Variants in CRIM1 observed in about 807,000 individuals in gnomAD.
CRIM1 encodes cysteine rich transmembrane BMP regulator 1.
CRIM1 carries 32 observed loss-of-function variants against 116.4 expected under a neutral mutation model. The ratio of observed to expected loss-of-function variants is 0.27; its 90% CI spans 0.21 to 0.37. CRIM1 has a LOEUF of 0.37. CRIM1 is among the 10% of genes least tolerant of loss of function. CRIM1 has a pLI of 1.00. For synonymous variants in CRIM1, 590 were observed against 509.2 expected (o/e 1.16, Z -2.13); for missense variants, 1,331 against 1,354.8 (o/e 0.98, Z 0.28).
At chr2:36,381,346 C>T (rs1193344419) in intron 1 of CRIM1, among the ~76,000 whole-genome samples, 3 of 151,968 alleles carry the variant, frequency 2.0e-5, no homozygotes, top group South Asian at 2.1e-4. Flanking sequence ...ACACTGGGGG[C>T]GGGGCTGGCA....
intron 16 of CRIM1, among the ~76,000 whole-genome samples, chr2:36,547,545 G>A (rs1432656327): frequency 6.6e-6 from 1 of 152,138 alleles, no homozygotes; most frequent in Non-Finnish European, 1.5e-5. Flanking sequence ...AGAATTGGGA[G>A]AGAAAAAAAG....
At chr2:36,448,709 A>G (rs1676447891) in intron 4 of CRIM1, among the ~76,000 whole-genome samples, 1 of 152,210 alleles carries the variant, frequency 6.6e-6, no homozygotes, top group African/African-American at 2.4e-5. Flanking sequence ...TTTTTGTTCT[A>G]AAAGTTCTGT....
chr2:36,434,406 G>C (rs1482057203), intron 2 of CRIM1, among the ~76,000 whole-genome samples: 3 of 152,218 alleles, frequency 2.0e-5, no homozygotes, highest in African/African-American at 7.2e-5. Flanking sequence ...CGCCGAGTAG[G>C]AAAGTTGAAG....
rs1050673547 is a variant in CRIM1, at chr2:36,512,276, G to C, written c.1662G>C (p.Lys554Asn). The part of the protein sequence containing the change: ...CDKYCPLGLL[K>N]NKHGCDICRC... ...TGACAAAATTTTAATTACCCAGGAA[G>C]AATAAGCACGGCTGTGACATCTGTC... Residue 554 changes from lysine (K) to asparagine (N), a missense_variant, in exon 10 of 17, where the codon AAG becomes AAC. Transcript: ENST00000280527. 1.2e-6 allele frequency: 2 copies of C among 1,612,194 alleles called. No individual in the cohort carries two copies. The highest frequency in any genetic ancestry group is 1.7e-6 in the Non-Finnish European group (2 of 1,178,472).
chr2:36,448,632 C>CTT (rs201240067), intron 4 of CRIM1, among the ~76,000 whole-genome samples: 1,995 of 66,818 alleles, frequency 0.03, 136 homozygotes, highest in Admixed American at 0.23. Flanking sequence ...TGATAAGTAA[C>CTT]TTTGTACCTT....
At chr2:36,455,755 G>A (rs1175187514) in intron 4 of CRIM1, among the ~76,000 whole-genome samples, 5 of 152,196 alleles carry the variant, frequency 3.3e-5, no homozygotes, top group Non-Finnish European at 7.3e-5. Flanking sequence ...GGGAGAGCCA[G>A]GTAAATGTTA....
intron 2 of CRIM1, among the ~76,000 whole-genome samples, chr2:36,423,146 G>A (rs1437145155): frequency 1.3e-5 from 2 of 152,224 alleles, no homozygotes; most frequent in East Asian, 3.9e-4. Context: ...ATGTACCATA[G>A]CCCTTTAAAA....
At chr2:36,439,042 G>A (rs1675563947) in intron 2 of CRIM1, among the ~76,000 whole-genome samples, 1 of 152,210 alleles carries the variant, frequency 6.6e-6, no homozygotes, top group Non-Finnish European at 1.5e-5. Flanking sequence ...GCTGCTTATT[G>A]GATATTGGCA....
chr2:36,356,541 C>A lies in CRIM1; in HGVS notation c.249C>A (p.Thr83=). Residue 83 remains threonine, a synonymous_variant, in exon 1 of 17, where the codon ACC becomes ACA. Coordinates refer to ENST00000280527, the MANE Select transcript of CRIM1 (RefSeq NM_016441.3). The surrounding 1 kb of genome is among the most constrained non-coding windows in gnomAD (Gnocchi z 4.3). ...SCGGTFGIYG[T]CDRGLRCVIR... ...GCGGCACCTTCGGGATTTACGGAAC[C>A]TGCGACCGGGGGCTGCGTTGTGTCA... 2.5e-6 allele frequency: 4 copies of A among 1,612,930 alleles called. No individual in the cohort carries two copies. The highest frequency in any genetic ancestry group is 2.5e-6 in the Non-Finnish European group (3 of 1,179,872).
intron 1 of CRIM1, among the ~76,000 whole-genome samples, chr2:36,363,165 A>C (rs893756362): frequency 6.7e-6 from 1 of 148,324 alleles, no homozygotes; most frequent in Non-Finnish European, 1.5e-5. Context: ...GCACCACTGC[A>C]CTCCAGCCTG....
intron 7 of CRIM1, among the ~76,000 whole-genome samples, chr2:36,492,657 A>G (rs910655163): frequency 1.3e-5 from 2 of 152,212 alleles, no homozygotes; most frequent in African/African-American, 4.8e-5. Flanking sequence ...ACAGCTTGAC[A>G]TATGAAAATA....
intron 2 of CRIM1, among the ~76,000 whole-genome samples, chr2:36,402,690 C>T (rs985750404): frequency 3.3e-5 from 5 of 150,518 alleles, no homozygotes; most frequent in South Asian, 2.1e-4. Flanking sequence ...AATGGGGACT[C>T]GTACCTGAGA....
At position 36,373,203 on chromosome 2, in the gene CRIM1, G is replaced by T. The variant is rs531276330; in HGVS notation, c.331+16580G>T. 1.2e-3 allele frequency among the ~76,000 whole-genome samples: 180 copies of T among 152,284 alleles called. 2 individuals are homozygous for T. The highest frequency in any genetic ancestry group is 4.2e-3 in the African/African-American group (175 of 41,558). ...GGGTGTGGGTAAAGGACCCAGAACT[G>T]TTCTTGCTGATGGAATAGCACACTT... is the stretch of plus-strand genomic sequence containing the variant. On this transcript the variant is annotated intron_variant, in intron 1 of 16. Coordinates refer to ENST00000280527, the MANE Select transcript of CRIM1 (RefSeq NM_016441.3).
At chr2:36,447,489 T>C (rs536787343) in intron 4 of CRIM1, among the ~76,000 whole-genome samples, 28 of 152,318 alleles carry the variant, frequency 1.8e-4, no homozygotes, top group Non-Finnish European at 3.5e-4. Flanking sequence ...GCAGTTCTTC[T>C]GTAGCCAGCT....
intron 4 of CRIM1, among the ~76,000 whole-genome samples, chr2:36,456,433 T>C (rs1677137082): frequency 6.6e-6 from 1 of 152,206 alleles, no homozygotes; most frequent in Admixed American, 6.5e-5. Flanking sequence ...CTAAAACTTA[T>C]TCTCCACTTC....
intron 7 of CRIM1, among the ~76,000 whole-genome samples, chr2:36,493,539 A>T (rs1158325792): frequency 6.6e-6 from 1 of 152,220 alleles, no homozygotes; most frequent in Non-Finnish European, 1.5e-5. Context: ...ATGGCTGTGT[A>T]TGCCTTCCAC....
At chr2:36,546,915 A>C (rs1396552362) in intron 15 of CRIM1, 69 bp from the exon 16 acceptor site, 2 of 894,192 alleles carry the variant, frequency 2.2e-6, no homozygotes, top group East Asian at 2.5e-5. Context: ...CTCTATTTGC[A>C]ATGTCATTAA....
intron 11 of CRIM1, among the ~76,000 whole-genome samples, chr2:36,514,606 A>C (rs552146905): frequency 5.3e-5 from 8 of 151,634 alleles, no homozygotes; most frequent in African/African-American, 1.7e-4. Flanking sequence ...CAAATCTTGT[A>C]TCAGATTTCT....
chr2:36,504,254 A>G (rs181510384), intron 8 of CRIM1, among the ~76,000 whole-genome samples: 1 of 152,238 alleles, frequency 6.6e-6, no homozygotes, highest in Admixed American at 6.5e-5. Context: ...TCATTCACTC[A>G]TTATTTTATT....
Sources: gnomAD v4.1 joint callset for allele counts (sites outside exome capture counted in the v4.1 genomes callset) on GRCh38, gnomAD v4.1.1 for gene constraint, Gnocchi (gnomAD v3.1) non-coding constraint, MANE v1.5 for transcripts, NCBI Gene and HGNC (gene_info 2026-07-23, HGNC 2026-07-21) for gene names.